The following GSE1 variants were observed in gnomAD, a reference collection of about 807,000 sequenced individuals.
GSE1 encodes Gse1 coiled-coil protein.
In GSE1, 32 loss-of-function variants were observed where a neutral mutation model predicts 112.6. The ratio of observed to expected loss-of-function variants is 0.28; its 90% CI spans 0.21 to 0.38. The LOEUF (loss-of-function observed/expected upper bound fraction) is 0.38, where lower values mean the gene tolerates loss of function less well. Ranked by LOEUF, GSE1 falls within the 10% of genes least tolerant of loss-of-function variation. GSE1 has a pLI of 1.00. For synonymous variants in GSE1, 1,115 were observed against 735.6 expected (o/e 1.52, Z -8.35); for missense variants, 2,348 against 1,699.2 (o/e 1.38, Z -6.71).
At chr16:85,469,983 G>A (rs1022128416) in intron 2 of GSE1, among the ~76,000 whole-genome samples, 7 of 152,200 alleles carry the variant, frequency 4.6e-5, no homozygotes, top group Admixed American at 1.3e-4. Flanking sequence ...CCGTGGAAAT[G>A]GAGGGCTGCT....
chr16:85,555,768 T>G, upstream of GSE1: 2 of 976,654 alleles, frequency 2.0e-6, no homozygotes, highest in Non-Finnish European at 2.4e-6. Context: ...AATGGCTGAA[T>G]GGAGGAGAGA....
At chr16:85,410,868 C>G (rs1162986944) in intron 2 of GSE1, among the ~76,000 whole-genome samples, 1 of 87,418 alleles carries the variant, frequency 1.1e-5, no homozygotes, top group Non-Finnish European at 2.0e-5. Flanking sequence ...ATAATCCTCA[C>G]TGTTGCACTC....
chr16:85,302,119 T>C (rs1284523445), intron 1 of GSE1, among the ~76,000 whole-genome samples: 2 of 152,098 alleles, frequency 1.3e-5, no homozygotes, highest in Non-Finnish European at 2.9e-5. Context: ...CACGTCCAAT[T>C]TCCCGTCTTG....
intron 2 of GSE1, among the ~76,000 whole-genome samples, chr16:85,520,185 T>C (rs1364088281): frequency 6.6e-6 from 1 of 152,188 alleles, no homozygotes; most frequent in Non-Finnish European, 1.5e-5. Context: ...TCCTGGATGG[T>C]GCCCTCTCGC....
chr16:85,243,531 G>T (rs1353083919), intron 1 of GSE1, among the ~76,000 whole-genome samples: 1 of 152,244 alleles, frequency 6.6e-6, no homozygotes, highest in African/African-American at 2.4e-5. Context: ...CCTTGCACAT[G>T]CCCTCCTGGA....
intron 2 of GSE1, among the ~76,000 whole-genome samples, chr16:85,424,105 G>A (rs1031400727): frequency 1.3e-5 from 2 of 152,272 alleles, no homozygotes; most frequent in African/African-American, 4.8e-5. Context: ...CAGAAGAAGA[G>A]TGTTCTGGGG....
At chr16:85,446,801 C>T (rs1166713041) in intron 2 of GSE1, among the ~76,000 whole-genome samples, 1 of 152,140 alleles carries the variant, frequency 6.6e-6, no homozygotes, top group South Asian at 2.1e-4. Context: ...CAGGTTGGCT[C>T]ATCTGTCTTA....
intron 1 of GSE1, among the ~76,000 whole-genome samples, chr16:85,198,945 A>ATTTT (rs768150861): frequency 7.2e-6 from 1 of 139,834 alleles, no homozygotes; most frequent in Non-Finnish European, 1.6e-5. Context: ...CACCCGGCTA[A>ATTTT]TTTTTTTTTT....
intron 1 of GSE1, among the ~76,000 whole-genome samples, chr16:85,356,026 C>T (rs1276577561): frequency 6.6e-6 from 1 of 151,984 alleles, no homozygotes; most frequent in Non-Finnish European, 1.5e-5. Flanking sequence ...GACTCCATCT[C>T]AAAATAAAAT....
At chr16:85,417,348 C>T (rs530701895) in intron 2 of GSE1, among the ~76,000 whole-genome samples, 2 of 152,210 alleles carry the variant, frequency 1.3e-5, no homozygotes, top group South Asian at 2.1e-4. Context: ...ACATCACCCC[C>T]GGCTGACCAC....
rs994645253 is a variant in GSE1, at chr16:85,209,607, C to T, written c.2283+37800C>T. 5.3e-5 allele frequency among the ~76,000 whole-genome samples: 8 copies of T among 152,218 alleles called. No individual in the cohort carries two copies. In the South Asian group the frequency reaches 8.3e-4, roughly 16 times the overall value. ...CGGCTTCTGCAGCACCGGCCTCCCG[C>T]GGCCAGCCCAAGGGTCACGCAAGGC... On this transcript the variant is annotated intron_variant, in intron 1 of 2. Coordinates refer to the GSE1 transcript ENST00000637419.
At chr16:85,243,792 C>A (rs1905355780) in intron 1 of GSE1, among the ~76,000 whole-genome samples, 1 of 152,210 alleles carries the variant, frequency 6.6e-6, no homozygotes, top group African/African-American at 2.4e-5. Context: ...GGAGTCCAAG[C>A]AACCTTCACT....
intron 9 of GSE1, chr16:85,662,146 C>T (rs1170924136): frequency 1.1e-5 from 2 of 184,412 alleles, no homozygotes; most frequent in Non-Finnish European, 2.2e-5. Flanking sequence ...ACATACAGGG[C>T]CGCTGCCACG....
At chr16:85,272,141 G>A (rs1452907773) in intron 1 of GSE1, among the ~76,000 whole-genome samples, 4 of 152,234 alleles carry the variant, frequency 2.6e-5, no homozygotes, top group African/African-American at 4.8e-5. Flanking sequence ...GGGTGCACAC[G>A]CAGGCCCGAG....
intron 1 of GSE1, among the ~76,000 whole-genome samples, chr16:85,627,088 C>T (rs1417947516): frequency 2.3e-5 from 1 of 43,318 alleles, no homozygotes; most frequent in African/African-American, 1.0e-4. Flanking sequence ...AAGCATTGTG[C>T]TGCTTCTGAC....
chr16:85,640,573 C>G (rs917779562), intron 2 of GSE1, among the ~76,000 whole-genome samples: 1 of 152,132 alleles, frequency 6.6e-6, no homozygotes, highest in Non-Finnish European at 1.5e-5. Flanking sequence ...AAACCGAGAT[C>G]CCACCTGAGT....
intron 1 of GSE1, among the ~76,000 whole-genome samples, chr16:85,354,571 C>G (rs1463866258): frequency 1.3e-5 from 2 of 152,250 alleles, no homozygotes; most frequent in South Asian, 2.1e-4. Flanking sequence ...CTCAGCTTCT[C>G]TCTCCAGCAG....
chr16:85,597,283 G>A (rs1355587085), intron 1 of GSE1, among the ~76,000 whole-genome samples: 1 of 143,236 alleles, frequency 7.0e-6, no homozygotes. Context: ...CCAGCCAGGA[G>A]AATTGCTTTG....
exon 1 of GSE1, chr16:85,169,678 G>A: frequency 1.0e-6 from 1 of 983,550 alleles, no homozygotes. Context: ...GCAGCCGGCG[G>A]CGGGCGCGGG....
Sources: gnomAD v4.1 joint callset for allele counts (sites outside exome capture counted in the v4.1 genomes callset) on GRCh38, gnomAD v4.1.1 for gene constraint, MANE v1.5 for transcripts, NCBI Gene and HGNC (gene_info 2026-07-23, HGNC 2026-07-21) for gene names.